Variants in PCDHA1 observed in about 807,000 individuals in gnomAD.
The protein encoded by PCDHA1 is protocadherin alpha 1.
PCDHA1 carries 42 observed loss-of-function variants against 61.3 expected under a neutral mutation model. The observed-to-expected ratio is 0.69, with a 90% confidence interval of 0.54 to 0.89. The LOEUF is 0.89. Ranked by LOEUF, PCDHA1 falls within the 40% of genes least tolerant of loss-of-function variation. PCDHA1 has a pLI of 0.00. For missense variants in PCDHA1, 1,256 were observed against 1,235.3 expected, an observed-to-expected ratio of 1.02 and a Z score of -0.25; for synonymous variants, 610 against 553.8, an observed-to-expected ratio of 1.10 and a Z score of -1.43.
chr5:140,992,382 G>A (rs1275662967), intron 3 of PCDHA1, among the ~76,000 whole-genome samples: 3 of 152,140 alleles, frequency 2.0e-5, no homozygotes, highest in Non-Finnish European at 4.4e-5. Flanking sequence ...ACATTATTGT[G>A]TTCTGGACTT....
chr5:140,809,185 G>C, intron 1 of PCDHA1: 1 of 1,614,048 alleles, frequency 6.2e-7, no homozygotes, highest in Non-Finnish European at 8.5e-7. Context: ...CCACTGTGCT[G>C]GTGTCACTTG....
At chr5:140,985,729 T>C (rs1314785007) in intron 3 of PCDHA1, among the ~76,000 whole-genome samples, 2 of 149,858 alleles carry the variant, frequency 1.3e-5, no homozygotes, top group Non-Finnish European at 3.0e-5. Flanking sequence ...TTTCCTTCAC[T>C]GATGAATTCC....
intron 1 of PCDHA1, chr5:140,857,025 A>G: frequency 6.3e-7 from 1 of 1,596,330 alleles, no homozygotes; most frequent in Non-Finnish European, 8.6e-7. Flanking sequence ...GATAAGGGAA[A>G]CCCACCTATG....
intron 3 of PCDHA1, among the ~76,000 whole-genome samples, chr5:140,999,645 G>C (rs1417751593): frequency 6.6e-6 from 1 of 152,156 alleles, no homozygotes; most frequent in Non-Finnish European, 1.5e-5. Context: ...AAACTGTGCA[G>C]CCTGAGCCCT....
rs782733393 is a variant in PCDHA1 at position 140,875,889 on chromosome 5, G to A, written c.2394+87205G>A. The A allele has an allele frequency of 6.2e-6, 10 of 1,614,054 alleles. No homozygotes were observed. The South Asian group carries it at 8.8e-5, about 14-fold the overall frequency. On this transcript the variant is annotated intron_variant, in intron 1 of 3. Coordinates refer to ENST00000504120, the MANE Select transcript of PCDHA1 (RefSeq NM_018900.4). ...CGGTGTTCAGAGAAAGGGAACAAAA[G>A]GTACCTGTTTCTGAATCTGCGCCTC...
At chr5:140,932,491 T>C (rs1041440008) in intron 1 of PCDHA1, among the ~76,000 whole-genome samples, 11 of 151,918 alleles carry the variant, frequency 7.2e-5, no homozygotes, top group Non-Finnish European at 1.6e-4. Flanking sequence ...CTCTTTGCAA[T>C]GTCATTTGTT....
intron 3 of PCDHA1, among the ~76,000 whole-genome samples, chr5:140,996,637 G>A (rs2097735642): frequency 6.6e-6 from 1 of 152,190 alleles, no homozygotes; most frequent in Admixed American, 6.5e-5. Flanking sequence ...TGCAAATTAT[G>A]TAGTTAATCC....
At chr5:140,971,968 A>G (rs1049886222) in intron 1 of PCDHA1, among the ~76,000 whole-genome samples, 3 of 152,124 alleles carry the variant, frequency 2.0e-5, no homozygotes, top group Non-Finnish European at 4.4e-5. Flanking sequence ...CTTTTTTTCA[A>G]TACTATGAGT....
chr5:140,925,371 A>G (rs1266840293), intron 1 of PCDHA1, among the ~76,000 whole-genome samples: 2 of 152,136 alleles, frequency 1.3e-5, no homozygotes, highest in Non-Finnish European at 2.9e-5. Context: ...CATAGTCAAT[A>G]GTCAATGAGT....
chr5:140,965,036 G>A (rs568573122), intron 1 of PCDHA1, among the ~76,000 whole-genome samples: 1 of 152,272 alleles, frequency 6.6e-6, no homozygotes, highest in African/African-American at 2.4e-5. Context: ...TTAACTGTCC[G>A]CTCTAGGAGG....
chr5:140,823,628 G>A lies in PCDHA1; in HGVS notation c.2394+34944G>A, dbSNP rs1434058728. 2.5e-6 allele frequency: 4 copies of A among 1,614,052 alleles called. No homozygotes were observed. The highest frequency in any genetic ancestry group is 3.4e-6 in the Non-Finnish European group (4 of 1,179,958). ...CTGCAGCCAGCGCCTGGCAGTGCGC[G>A]CATCCCGTTCCGCGTGGGGCTGTAC... On this transcript the variant is annotated intron_variant, in intron 1 of 3. Transcript: ENST00000504120.
At chr5:140,998,721 C>G (rs987484967) in intron 3 of PCDHA1, among the ~76,000 whole-genome samples, 1 of 152,084 alleles carries the variant, frequency 6.6e-6, no homozygotes, top group Non-Finnish European at 1.5e-5. Context: ...TGCACCACCA[C>G]GCTAGGCTAA....
At chr5:140,795,783 G>A (rs782097002) in intron 1 of PCDHA1, 2 of 1,613,730 alleles carry the variant, frequency 1.2e-6, no homozygotes, top group South Asian at 2.2e-5. Context: ...ATGAAGGACC[G>A]AACAGCGAGA....
chr5:140,809,464 C>T (rs1554125225), intron 1 of PCDHA1: 10 of 1,614,130 alleles, frequency 6.2e-6, no homozygotes, highest in Admixed American at 3.3e-5. Flanking sequence ...CGAGGGTGTG[C>T]TCTGGTGAGG....
At chr5:140,858,604 AT>A (rs2045515312) in intron 1 of PCDHA1, 6 of 1,276,538 alleles carry the variant, frequency 4.7e-6, no homozygotes, top group Non-Finnish European at 6.4e-6. Flanking sequence ...GAGTTTTAAA[AT>A]TTTTTTATCC....
intron 1 of PCDHA1, among the ~76,000 whole-genome samples, chr5:140,947,310 A>G (rs1554218156): frequency 6.6e-6 from 1 of 151,620 alleles, no homozygotes; most frequent in Admixed American, 6.6e-5. Flanking sequence ...ATCTTTGTAA[A>G]AAGTCGGTTG....
rs1775369945 is a variant in PCDHA1 at position 140,838,007 on chromosome 5, A to G, written c.2394+49323A>G. Among the ~76,000 whole-genome samples, 3 of 151,520 alleles carry G rather than the reference A, an allele frequency of 2.0e-5. No homozygotes were observed. In the South Asian group the frequency reaches 6.3e-4, roughly 32 times the overall value. ...CTTTCATCTTTCCTTTTTTTTAAAA[A>G]AAGAAGTGATTACAGTAGAAACCTA... On this transcript the variant is annotated intron_variant, in intron 1 of 3. Coordinates refer to ENST00000504120, the MANE Select transcript of PCDHA1 (RefSeq NM_018900.4).
chr5:140,901,356 T>C (rs1554189806), intron 1 of PCDHA1, among the ~76,000 whole-genome samples: 1 of 152,232 alleles, frequency 6.6e-6, no homozygotes, highest in Non-Finnish European at 1.5e-5. Context: ...GTCTTAGATT[T>C]AAGTCTTTAA....
intron 1 of PCDHA1, among the ~76,000 whole-genome samples, chr5:140,975,707 A>C (rs1445809800): frequency 6.6e-6 from 1 of 152,204 alleles, no homozygotes; most frequent in African/African-American, 2.4e-5. Context: ...ATTTTACTTT[A>C]AATCTTAGAA....
Sources: gnomAD v4.1 joint callset for allele counts (sites outside exome capture counted in the v4.1 genomes callset) on GRCh38, gnomAD v4.1.1 for gene constraint, MANE v1.5 for transcripts, NCBI Gene and HGNC (gene_info 2026-07-23, HGNC 2026-07-21) for gene names.